The following LPGAT1 variants were observed in gnomAD, a reference collection of about 807,000 sequenced individuals.
The protein encoded by LPGAT1 is acyl-CoA:lysophosphatidylglycerol acyltransferase 1.
In LPGAT1, 11 loss-of-function variants were observed where a neutral mutation model predicts 47.5. That is an observed-to-expected ratio of 0.23 (90% confidence interval 0.15 to 0.38). The LOEUF is 0.38. Among genes scored for constraint, LPGAT1 ranks in the 10% least tolerant of loss-of-function variants. The probability of loss-of-function intolerance (pLI) is 1.00; values close to 1 mark genes in which losing one functional copy is unlikely to be tolerated. For synonymous variants in LPGAT1, 138 were observed against 144.2 expected (o/e 0.96, Z 0.31); for missense variants, 293 against 439.0 (o/e 0.67, Z 2.97).
intron 2 of LPGAT1, among the ~76,000 whole-genome samples, chr1:211,812,787 C>A (rs937062049): frequency 6.6e-6 from 1 of 152,184 alleles, no homozygotes; most frequent in Non-Finnish European, 1.5e-5. Flanking sequence ...AGTGATGCAG[C>A]CACAAGCCCA....
intron 2 of LPGAT1, among the ~76,000 whole-genome samples, chr1:211,819,432 G>A (rs997624571): frequency 3.3e-5 from 5 of 152,138 alleles, no homozygotes; most frequent in Non-Finnish European, 7.3e-5. Context: ...GTTTCAGGCT[G>A]TAGTGAGTTG....
intron 4 of LPGAT1, among the ~76,000 whole-genome samples, chr1:211,785,401 C>A (rs2102542758): frequency 1.3e-5 from 2 of 152,216 alleles, no homozygotes; most frequent in South Asian, 2.1e-4. Context: ...TTTTCCCTTC[C>A]TTCCCCTCAT....
At chr1:211,816,497 A>T (rs1289119109) in intron 2 of LPGAT1, among the ~76,000 whole-genome samples, 10 of 152,214 alleles carry the variant, frequency 6.6e-5, no homozygotes, top group African/African-American at 2.4e-4. Flanking sequence ...CTACGGCCTA[A>T]ATTATTTTTA....
chr1:211,776,204 G>A (rs1346073627), intron 6 of LPGAT1, among the ~76,000 whole-genome samples: 1 of 152,044 alleles, frequency 6.6e-6, no homozygotes, highest in Non-Finnish European at 1.5e-5. Context: ...TGAGCAGGAT[G>A]GATTAACTAC....
At chr1:211,812,584 T>C (rs1660024941) in intron 2 of LPGAT1, among the ~76,000 whole-genome samples, 1 of 152,184 alleles carries the variant, frequency 6.6e-6, no homozygotes, top group Admixed American at 6.5e-5. Flanking sequence ...ACCCCAAAGA[T>C]ATCCATGTCA....
intron 2 of LPGAT1, among the ~76,000 whole-genome samples, chr1:211,803,783 C>G: frequency 7.8e-6 from 1 of 127,686 alleles, no homozygotes; most frequent in Non-Finnish European, 1.7e-5. Flanking sequence ...TTTTTTTTGA[C>G]ACAGTCTTGC....
At chr1:211,776,062 T>TC (rs1437123580) in intron 6 of LPGAT1, among the ~76,000 whole-genome samples, 3 of 152,090 alleles carry the variant, frequency 2.0e-5, no homozygotes, top group Non-Finnish European at 4.4e-5. Flanking sequence ...CTTTTTTTTT[T>TC]CTTTTAATTA....
At position 211,830,202 on chromosome 1, in the gene LPGAT1, G is replaced by A. The variant is rs965071025; in HGVS notation, c.-28+371C>T. On this transcript the variant is annotated intron_variant, in intron 1 of 7. Coordinates refer to ENST00000366997, the MANE Select transcript of LPGAT1 (RefSeq NM_014873.3). This position sits in a 1 kb window ranked among gnomAD's most constrained non-coding sequence, Gnocchi z 5.9. ...GCTCACCTCGGCGGGCGCGGACGGC[G>A]GGCGGCTGCGGAGAGCGGGGGCGGG... 18 of 983,236 alleles carry A rather than the reference G, an allele frequency of 1.8e-5. No homozygotes were observed. The African/African-American group carries it at 3.2e-4, about 17-fold the overall frequency. The allele number at this position is 983,236 out of a possible 1,614,324, so 60.9% of individuals were successfully genotyped here.
chr1:211,769,407 T>C (rs1299931234), intron 6 of LPGAT1, among the ~76,000 whole-genome samples: 15 of 152,042 alleles, frequency 9.9e-5, no homozygotes, highest in East Asian at 1.9e-4. Context: ...TGAAGGAGTA[T>C]ATATTTTTAG....
chr1:211,761,508 T>G (rs1446772239), intron 6 of LPGAT1, among the ~76,000 whole-genome samples: 1 of 152,202 alleles, frequency 6.6e-6, no homozygotes, highest in East Asian at 1.9e-4. Context: ...GGTCTTACAT[T>G]TCCTCAGAGC....
chr1:211,791,739 T>A (rs1433087943), intron 3 of LPGAT1, among the ~76,000 whole-genome samples: 2 of 108,268 alleles, frequency 1.8e-5, no homozygotes, highest in South Asian at 5.9e-4. Context: ...AGTGCAAGAC[T>A]CCATCTCAAA....
At position 211,801,239 on chromosome 1, in the gene LPGAT1, C is replaced by A. The variant is rs1659562886; in HGVS notation, c.239-8049G>T. Reference sequence around the variant, plus strand: ...TAGGAAGAAAAGAATATTCTTATCACCAGGAATGGGGAGTCAATGCAGGGA... The same window carrying A: ...TAGGAAGAAAAGAATATTCTTATCAACAGGAATGGGGAGTCAATGCAGGGA... On this transcript the variant is annotated intron_variant, in intron 2 of 7. Coordinates refer to ENST00000366997, the MANE Select transcript of LPGAT1 (RefSeq NM_014873.3). Among the ~76,000 whole-genome samples, 5 of 152,194 alleles carry A rather than the reference C, an allele frequency of 3.3e-5. 1 individual carries two copies. Among genetic ancestry groups the A allele is most frequent in the Admixed American group, 3.3e-4 (5 of 15,276 alleles).
intron 5 of LPGAT1, among the ~76,000 whole-genome samples, chr1:211,780,524 G>A (rs1658599577): frequency 6.6e-6 from 1 of 152,166 alleles, no homozygotes; most frequent in African/African-American, 2.4e-5. Context: ...AAGTTCAAAT[G>A]TGCATTAGGA....
chr1:211,766,972 A>G (rs1279360191), intron 6 of LPGAT1, among the ~76,000 whole-genome samples: 2 of 151,872 alleles, frequency 1.3e-5, no homozygotes, highest in Non-Finnish European at 2.9e-5. Flanking sequence ...GAAATTAGGC[A>G]TATCTTCCAA....
chr1:211,799,309 T>C (rs147992921), intron 2 of LPGAT1, among the ~76,000 whole-genome samples: 33 of 152,282 alleles, frequency 2.2e-4, no homozygotes, highest in African/African-American at 6.3e-4. Context: ...ATTTATGGAA[T>C]GTTTATTATG....
chr1:211,765,162 G>A lies in LPGAT1; in HGVS notation c.854+13756C>T, dbSNP rs560475690. Among the ~76,000 whole-genome samples, 168 of 152,078 alleles carry A rather than the reference G, an allele frequency of 1.1e-3. 2 individuals carry two copies. The highest frequency in any genetic ancestry group is 5.0e-4 in the Non-Finnish European group (34 of 68,022). On this transcript the variant is annotated intron_variant, in intron 6 of 7. Transcript: ENST00000366997. Reference sequence around the variant, plus strand: ...CTATTACACTTTCCATGTGTCTAACGATGTTTTTAAACTTTTTATTTTGAA... The same window carrying A: ...CTATTACACTTTCCATGTGTCTAACAATGTTTTTAAACTTTTTATTTTGAA...
At position 211,760,046 on chromosome 1, in the gene LPGAT1, T is replaced by C. The variant is rs565474959; in HGVS notation, c.855-8979A>G. Among the ~76,000 whole-genome samples, 65 of 152,368 alleles carry C rather than the reference T, an allele frequency of 4.3e-4. No individual in the cohort carries two copies. In the South Asian group the frequency reaches 0.013, roughly 32 times the overall value. On this transcript the variant is annotated intron_variant, in intron 6 of 7. Coordinates refer to ENST00000366997, the MANE Select transcript of LPGAT1 (RefSeq NM_014873.3). ...CTGAAAGATTTTTAAATTGGAGAATTACCAAGTCAGAAGGTTCTCACTTAG... is the reference window on the plus strand; with the variant it reads ...CTGAAAGATTTTTAAATTGGAGAATCACCAAGTCAGAAGGTTCTCACTTAG...
At position 211,744,756 on chromosome 1, in the gene LPGAT1, C is replaced by T. The variant is rs1300308873; in HGVS notation, c.*5143G>A. The T allele has an allele frequency of 6.6e-6, 1 of 152,158 alleles. No homozygotes were observed. The highest frequency in any genetic ancestry group is 2.4e-5 in the African/African-American group (1 of 41,412). 9.4% of individuals were successfully genotyped at this position (152,158 alleles called of 1,614,324 possible). A position where few individuals can be genotyped will look rare whatever the true frequency, so the allele number is the denominator to read the frequency against. On this transcript the variant is annotated 3_prime_UTR_variant, in exon 8 of 8. Transcript: ENST00000366997. ...AATTTTCTCCCAGAAGAGTGAACTGCTAAACATTTACCAGCACACCACTGG... is the reference window on the plus strand; with the variant it reads ...AATTTTCTCCCAGAAGAGTGAACTGTTAAACATTTACCAGCACACCACTGG...
intron 5 of LPGAT1, among the ~76,000 whole-genome samples, chr1:211,781,004 A>G (rs1043168262): frequency 6.6e-6 from 1 of 152,220 alleles, no homozygotes; most frequent in South Asian, 2.1e-4. Flanking sequence ...GACAGAACTT[A>G]ATTTTGGTAT....
Sources: allele counts gnomAD v4.1 joint callset (sites outside exome capture counted in the v4.1 genomes callset), GRCh38; gene constraint gnomAD v4.1.1; non-coding constraint Gnocchi (gnomAD v3.1); transcripts MANE v1.5; gene names NCBI Gene and HGNC (gene_info 2026-07-23, HGNC 2026-07-21).